The following STARD13 variants were observed in gnomAD, a reference collection of about 807,000 sequenced individuals.
The protein encoded by STARD13 is StAR related lipid transfer domain containing 13.
STARD13 carries 62 observed loss-of-function variants against 106.4 expected under a neutral mutation model. That is an observed-to-expected ratio of 0.58 (90% CI 0.48 to 0.72). The LOEUF (loss-of-function observed/expected upper bound fraction) is 0.72. Ranked by LOEUF, STARD13 falls within the 30% of genes least tolerant of loss-of-function variation. The probability of loss-of-function intolerance (pLI) is 0.00; values close to 1 mark genes in which losing one functional copy is unlikely to be tolerated. For synonymous variants in STARD13, 565 were observed against 553.0 expected (o/e 1.02, Z -0.31); for missense variants, 1,387 against 1,424.0 (o/e 0.97, Z 0.42).
At chr13:33,257,569 G>A (rs1890428883) in intron 1 of STARD13, among the ~76,000 whole-genome samples, 1 of 152,118 alleles carries the variant, frequency 6.6e-6, no homozygotes, top group South Asian at 2.1e-4. Flanking sequence ...CCTAAGGAGA[G>A]GAGGAGAAGG....
At chr13:33,646,680 CT>C in the STARD13 span, among the ~76,000 whole-genome samples, 69 of 144,790 alleles carry the variant, frequency 4.8e-4, no homozygotes, top group African/African-American at 5.3e-4. Flanking sequence ...ACAAGTTTGA[CT>C]TTTTTTTTTT....
At chr13:33,300,392 G>C (rs1892665490) in intron 1 of STARD13, among the ~76,000 whole-genome samples, 1 of 152,124 alleles carries the variant, frequency 6.6e-6, no homozygotes, top group Non-Finnish European at 1.5e-5. Context: ...ATTTTATGTG[G>C]TCAACTGAAT....
At chr13:33,135,910 A>C (rs1878991278) in intron 4 of STARD13, among the ~76,000 whole-genome samples, 1 of 152,110 alleles carries the variant, frequency 6.6e-6, no homozygotes, top group Admixed American at 6.5e-5. Flanking sequence ...ATCACCTGAG[A>C]TCAGAAGTTT....
At chr13:33,413,128 C>T in the STARD13 span, among the ~76,000 whole-genome samples, 8 of 152,062 alleles carry the variant, frequency 5.3e-5, no homozygotes, top group Non-Finnish European at 1.0e-4. Flanking sequence ...GGTAAAATCT[C>T]CAAACACTTG....
At chr13:33,543,787 G>C in the STARD13 span, among the ~76,000 whole-genome samples, 1 of 152,176 alleles carries the variant, frequency 6.6e-6, no homozygotes, top group Non-Finnish European at 1.5e-5. Context: ...AATCTCAGGT[G>C]ATTCTGATGC....
upstream of STARD13, among the ~76,000 whole-genome samples, chr13:33,353,537 A>G (rs778767186): frequency 1.3e-5 from 2 of 152,172 alleles, no homozygotes; most frequent in Non-Finnish European, 2.9e-5. Context: ...ATATGTGGTT[A>G]AGAGTGTGGC....
the STARD13 span, among the ~76,000 whole-genome samples, chr13:33,601,103 G>A: frequency 2.0e-5 from 3 of 152,178 alleles, no homozygotes; most frequent in Admixed American, 6.5e-5. Context: ...GAAGATTTGA[G>A]GTGGAAGGGC....
the STARD13 span, among the ~76,000 whole-genome samples, chr13:33,435,058 G>T: frequency 1.3e-5 from 2 of 152,062 alleles, no homozygotes; most frequent in African/African-American, 4.8e-5. Flanking sequence ...TTTAAAACAG[G>T]TGGCATTTAG....
chr13:33,128,809 A>C, intron 5 of STARD13, 120 bp downstream of exon 5: 1 of 984,884 alleles, frequency 1.0e-6, no homozygotes, highest in Non-Finnish European at 1.5e-6. Context: ...AATCACATAC[A>C]TCACTTAGAA....
chr13:33,334,444 C>G (rs548757140), intron 1 of STARD13, among the ~76,000 whole-genome samples: 1 of 152,280 alleles, frequency 6.6e-6, no homozygotes, highest in African/African-American at 2.4e-5. Flanking sequence ...CTTCACTTAC[C>G]TCATCTTTAA....
chr13:33,571,367 G>A, the STARD13 span, among the ~76,000 whole-genome samples: 2 of 152,138 alleles, frequency 1.3e-5, no homozygotes, highest in Non-Finnish European at 2.9e-5. Flanking sequence ...CTTATTTTGA[G>A]TTTATTTATT....
the STARD13 span, among the ~76,000 whole-genome samples, chr13:33,676,158 T>C: frequency 6.6e-6 from 1 of 152,214 alleles, no homozygotes; most frequent in Admixed American, 6.5e-5. Flanking sequence ...AACAGATTTT[T>C]CACATCTTAC....
intron 1 of STARD13, among the ~76,000 whole-genome samples, chr13:33,251,401 T>C (rs571872376): frequency 1.3e-5 from 2 of 152,290 alleles, no homozygotes; most frequent in East Asian, 1.9e-4. Context: ...TTCATTAAAA[T>C]GAAAGGTTTA....
At chr13:33,361,026 T>C in the STARD13 span, among the ~76,000 whole-genome samples, 1 of 148,226 alleles carries the variant, frequency 6.7e-6, no homozygotes, top group African/African-American at 2.5e-5. Flanking sequence ...CAGGATGATC[T>C]CGATCTCCTG....
chr13:33,202,998 C>T (rs61941388), intron 1 of STARD13, among the ~76,000 whole-genome samples: 1,615 of 152,330 alleles, frequency 0.011, 18 homozygotes, highest in Middle Eastern at 0.027. Context: ...AAGAAGTTGT[C>T]GAAGTTCAAT....
intron 1 of STARD13, among the ~76,000 whole-genome samples, chr13:33,341,604 A>AG (rs2077961880): frequency 6.6e-6 from 1 of 151,732 alleles, no homozygotes. Context: ...AAAAAAAAAA[A>AG]AAGAAGAAGA....
chr13:33,242,010 G>C (rs1466322033), intron 1 of STARD13, among the ~76,000 whole-genome samples: 1 of 151,900 alleles, frequency 6.6e-6, no homozygotes, highest in African/African-American at 2.4e-5. Context: ...CATGGTCTGG[G>C]GTGTGGGGAG....
the STARD13 span, among the ~76,000 whole-genome samples, chr13:33,395,840 A>G: frequency 6.6e-6 from 1 of 152,014 alleles, no homozygotes; most frequent in Non-Finnish European, 1.5e-5. Context: ...ACATTTATTT[A>G]TTTATTTATT....
the STARD13 span, among the ~76,000 whole-genome samples, chr13:33,672,056 A>G: frequency 9.8e-5 from 15 of 152,322 alleles, no homozygotes; most frequent in South Asian, 2.7e-3. Flanking sequence ...TACTATAAAG[A>G]CACATGCACA....
Sources: allele counts gnomAD v4.1 joint callset (sites outside exome capture counted in the v4.1 genomes callset), GRCh38; gene constraint gnomAD v4.1.1; transcripts MANE v1.5; gene names NCBI Gene and HGNC (gene_info 2026-07-23, HGNC 2026-07-21).